The following ZNF774 variants were observed in gnomAD, a reference collection of about 807,000 sequenced individuals.
ZNF774 encodes zinc finger protein 774.
In ZNF774, 14 loss-of-function variants were observed where a neutral mutation model predicts 11.1. That is an observed-to-expected ratio of 1.26 (90% CI 0.83 to 1.97). ZNF774 has a LOEUF of 1.97. Ranked by LOEUF, ZNF774 falls within the 30% of genes most tolerant of loss-of-function variation. ZNF774 has a pLI of 0.00. For synonymous variants in ZNF774, 195 were observed against 212.6 expected (o/e 0.92, Z 0.72); for missense variants, 599 against 587.0 (o/e 1.02, Z -0.21).
intron 2 of ZNF774, chr15:90,355,273 A>G: frequency 4.4e-6 from 2 of 455,998 alleles, no homozygotes; most frequent in Admixed American, 2.4e-5. Context: ...ATGGTTTGCA[A>G]ATGTCTTTGC....
At chr15:90,354,882 C>T in intron 2 of ZNF774, 118 bp downstream of exon 2, 1 of 833,460 alleles carries the variant, frequency 1.2e-6, no homozygotes, top group Non-Finnish European at 1.9e-6. Context: ...GCAATCTGTG[C>T]CTCCTGGGCT....
Position 90,358,881 on chromosome 15 carries a change from G to A in ZNF774, c.135G>A (p.Pro45=), listed in dbSNP as rs145841363. The A allele has an allele frequency of 7.3e-5, 117 of 1,613,010 alleles. No individual in the cohort carries two copies. Among genetic ancestry groups the A allele is most frequent in the Admixed American group, 1.3e-4 (8 of 59,964 alleles). Residue 45 remains proline (P), a synonymous_variant, in exon 3 of 4, where the codon CCG becomes CCA. Coordinates refer to ENST00000354377, the MANE Select transcript of ZNF774 (RefSeq NM_001004309.3). The part of the protein sequence containing the change: ...GISRPSVISQ[P]EQKEEPWVLP... Reference sequence around the variant, plus strand: ...CCAGGCCTAGTGTAATCTCCCAGCCGGAGCAGAAAGAAGAGCCATGGGTCC... The same window carrying A: ...CCAGGCCTAGTGTAATCTCCCAGCCAGAGCAGAAAGAAGAGCCATGGGTCC...
Position 90,362,424 on chromosome 15 carries a change from G to A in ZNF774, c.*1141G>A. ...TTGTGGAAGCAAAATTGCTGAGAATGTCAAATGATATTACAGGGATCCTCC... is the reference window on the plus strand; with the variant it reads ...TTGTGGAAGCAAAATTGCTGAGAATATCAAATGATATTACAGGGATCCTCC... On this transcript the variant is annotated 3_prime_UTR_variant, in exon 4 of 4. Transcript: ENST00000354377. The A allele has an allele frequency of 1.1e-6, 1 of 908,298 alleles. No individual in the cohort carries two copies. The highest frequency in any genetic ancestry group is 2.7e-5 in the East Asian group (1 of 37,682). The allele number at this position is 908,298 out of a possible 1,614,324, so 56.3% of individuals were successfully genotyped here. A position where few individuals can be genotyped will look rare whatever the true frequency, so the allele number is the denominator to read the frequency against.
In ZNF774 at chr15:90,358,804, T is replaced by C. The variant is rs544480599; in HGVS notation, c.105-47T>C. On this transcript the variant is annotated intron_variant, in intron 2 of 3. Transcript: ENST00000354377. The stretch of plus-strand genomic sequence containing the variant: ...TAGGGCTTGGATTTTGCTCAGGCCT[T>C]GTGTGATTGGCTCAGACTCACATCC... 5.4e-5 allele frequency: 84 copies of C among 1,545,586 alleles called. No homozygotes were observed. In the East Asian group the frequency reaches 1.3e-3, roughly 24 times the overall value.
Position 90,360,223 on chromosome 15 carries a change from A to C in ZNF774, c.392A>C (p.Glu131Ala). The change falls in exon 4 of 4, where the codon GAG becomes GCG. Residue 131 changes from glutamate to alanine, a missense_variant. Coordinates refer to ENST00000354377, the MANE Select transcript of ZNF774 (RefSeq NM_001004309.3). ...HGTLPGEGQL[E>A]SFSQERDLNK... The stretch of plus-strand genomic sequence containing the variant: ...ACCCTTCCAGGAGAGGGCCAGCTGG[A>C]GTCCTTTTCACAGGAGAGGGATTTA... The C allele has an allele frequency of 6.2e-7, 1 of 1,614,218 alleles. No homozygotes were observed. The highest frequency in any genetic ancestry group is 8.5e-7 in the Non-Finnish European group (1 of 1,180,036).
rs2151684053 is a variant in ZNF774 at position 90,362,746 on chromosome 15, AATAC to A, written c.*1465_*1468del. ...CACAAGGTTGTTGTGAGGATCTAAAAATACACACACACACACACACACACACACA... is the reference window on the plus strand; with the variant it reads ...CACAAGGTTGTTGTGAGGATCTAAAAACACACACACACACACACACACACA... On this transcript the variant is annotated 3_prime_UTR_variant, in exon 4 of 4. Transcript: ENST00000354377. 1.8e-6 allele frequency: 1 copy of A among 570,664 alleles called. No homozygotes were observed. 35.4% of individuals were successfully genotyped at this position (570,664 alleles called of 1,614,324 possible). A position where few individuals can be genotyped will look rare whatever the true frequency, so the allele number is the denominator to read the frequency against.
In ZNF774 at chr15:90,359,198, G is replaced by A. The variant is rs746349618; in HGVS notation, c.211+241G>A. The stretch of plus-strand genomic sequence containing the variant: ...CGCCATTCTCCTGCCTCAGCCTCCC[G>A]AGTAGCTGGGACTACAGGCGCCCGC... On this transcript the variant is annotated intron_variant, in intron 3 of 3. Transcript: ENST00000354377. 2.8e-3 allele frequency among the ~76,000 whole-genome samples: 407 copies of A among 147,028 alleles called. 1 individual carries two copies. Among genetic ancestry groups the A allele is most frequent in the Non-Finnish European group, 4.5e-3 (299 of 66,884 alleles).
intron 2 of ZNF774, 100 bp from the exon 3 acceptor site, chr15:90,358,751 A>C (rs1200495261): frequency 1.2e-5 from 10 of 814,962 alleles, no homozygotes; most frequent in African/African-American, 3.5e-5. Context: ...AGAGCTCCCC[A>C]GGTGTTCTTC....
In ZNF774 at chr15:90,361,451, A is replaced by C. The variant is rs183338766; in HGVS notation, c.*168A>C. 188 of 1,415,458 alleles carry C rather than the reference A, an allele frequency of 1.3e-4. 1 individual carries two copies. The highest frequency in any genetic ancestry group is 1.6e-4 in the Non-Finnish European group (170 of 1,089,510). The allele number at this position is 1,415,458 out of a possible 1,614,324, so 87.7% of individuals were successfully genotyped here. On this transcript the variant is annotated 3_prime_UTR_variant, in exon 4 of 4. Coordinates refer to ENST00000354377, the MANE Select transcript of ZNF774 (RefSeq NM_001004309.3). ...AGAGAGGATAAACTTAAAGGGTCCAAATAACGGTCCGAATACAAAAGGCAT... is the reference window on the plus strand; with the variant it reads ...AGAGAGGATAAACTTAAAGGGTCCACATAACGGTCCGAATACAAAAGGCAT...
intron 2 of ZNF774, among the ~76,000 whole-genome samples, chr15:90,357,235 G>C (rs1403447993): frequency 6.6e-6 from 1 of 151,410 alleles, no homozygotes. Context: ...GCCTGGGTGT[G>C]GCAGCTCATG....
intron 1 of ZNF774, among the ~76,000 whole-genome samples, chr15:90,353,791 G>A (rs1964206842): frequency 4.6e-5 from 7 of 152,000 alleles, no homozygotes; most frequent in Admixed American, 4.6e-4. Flanking sequence ...AGAGAAAGAG[G>A]TCTCAATATG....
chr15:90,355,738 A>C (rs1267356417), intron 2 of ZNF774, among the ~76,000 whole-genome samples: 5 of 148,408 alleles, frequency 3.4e-5, no homozygotes, highest in Middle Eastern at 6.9e-3. Context: ...AAAAAAAAAA[A>C]AAAAAAACAA....
At position 90,361,311 on chromosome 15, in the gene ZNF774, C is replaced by T. The variant is rs748486555; in HGVS notation, c.*28C>T. On this transcript the variant is annotated 3_prime_UTR_variant, in exon 4 of 4. Transcript: ENST00000354377. ...AGTAGTCTTTGGTGTTCAGCTGCTC[C>T]CTTGCACATTTTCATTGCTACTGTC... 6.5e-7 allele frequency: 1 copy of T among 1,549,198 alleles called. No individual in the cohort carries two copies. Among genetic ancestry groups the T allele is most frequent in the South Asian group, 1.2e-5 (1 of 80,838 alleles).
rs1248511103 is a variant in ZNF774, at chr15:90,361,533, C to T, written c.*250C>T. On this transcript the variant is annotated 3_prime_UTR_variant, in exon 4 of 4. Coordinates refer to ENST00000354377, the MANE Select transcript of ZNF774 (RefSeq NM_001004309.3). Reference sequence around the variant, plus strand: ...TGTGAGTTTAATAGTTGATGCCCGCCAGGCGTGGTGGCTCACCCCTGTAAT... The same window carrying T: ...TGTGAGTTTAATAGTTGATGCCCGCTAGGCGTGGTGGCTCACCCCTGTAAT... 8.3e-7 allele frequency: 1 copy of T among 1,209,338 alleles called. No homozygotes were observed. Among genetic ancestry groups the T allele is most frequent in the Non-Finnish European group, 1.0e-6 (1 of 969,634 alleles). 74.9% of individuals were successfully genotyped at this position (1,209,338 alleles called of 1,614,324 possible).
chr15:90,360,820 A>G lies in ZNF774; in HGVS notation c.989A>G (p.Asp330Gly), dbSNP rs748980567. Residue 330 changes from aspartate to glycine, a missense_variant, in exon 4 of 4, where the codon GAT becomes GGT. By Grantham distance (94) the Asp-to-Gly change is moderately conservative. Transcript: ENST00000354377. ...CCGGAGTGCGGGAAGGGCTTCAGAG[A>G]TAGTTCTCATTTTGTAGCTCACATG... ...KCPECGKGFR[D>G]SSHFVAHMST... The G allele has an allele frequency of 2.6e-5, 42 of 1,614,022 alleles. No homozygotes were observed. Among genetic ancestry groups the G allele is most frequent in the Non-Finnish European group, 3.5e-5 (41 of 1,180,018 alleles).
chr15:90,362,635 T>C lies in ZNF774; in HGVS notation c.*1352T>C, dbSNP rs1303889387. The C allele has an allele frequency of 2.7e-6, 4 of 1,490,522 alleles. No individual in the cohort carries two copies. Among genetic ancestry groups the C allele is most frequent in the South Asian group, 1.2e-5 (1 of 83,168 alleles). 92.3% of individuals were successfully genotyped at this position (1,490,522 alleles called of 1,614,324 possible). On this transcript the variant is annotated 3_prime_UTR_variant, in exon 4 of 4. Transcript: ENST00000354377. ...GTGTTGGAAAGAACACCGACTTCAT[T>C]GAGAAGGTAAAGTATTTGAGTCCTG...
At chr15:90,356,620 A>G (rs143598290) in intron 2 of ZNF774, among the ~76,000 whole-genome samples, 4 of 152,350 alleles carry the variant, frequency 2.6e-5, no homozygotes, top group East Asian at 3.9e-4. Flanking sequence ...TTCTAAGCAT[A>G]TATACAATTT....
chr15:90,361,407 T>G lies in ZNF774; in HGVS notation c.*124T>G. 6.7e-7 allele frequency: 1 copy of G among 1,491,424 alleles called. No individual in the cohort carries two copies. The highest frequency in any genetic ancestry group is 8.8e-7 in the Non-Finnish European group (1 of 1,130,316). 92.4% of individuals were successfully genotyped at this position (1,491,424 alleles called of 1,614,324 possible). A position where few individuals can be genotyped will look rare whatever the true frequency, so the allele number is the denominator to read the frequency against. Reference sequence around the variant, plus strand: ...TTGGGCCCTGATCTATTCTCCCTCTTTCTTGTCTATGTTATAACAGAGAGG... The same window carrying G: ...TTGGGCCCTGATCTATTCTCCCTCTGTCTTGTCTATGTTATAACAGAGAGG... On this transcript the variant is annotated 3_prime_UTR_variant, in exon 4 of 4. Transcript: ENST00000354377.
chr15:90,359,233 C>T (rs558156359), intron 3 of ZNF774, among the ~76,000 whole-genome samples: 58 of 150,234 alleles, frequency 3.9e-4, no homozygotes, highest in African/African-American at 1.2e-3. Flanking sequence ...CCACCGCGCC[C>T]GGCTAATTTT....
Sources: allele counts gnomAD v4.1 joint callset (sites outside exome capture counted in the v4.1 genomes callset), GRCh38; gene constraint gnomAD v4.1.1; transcripts MANE v1.5; gene names NCBI Gene and HGNC (gene_info 2026-07-23, HGNC 2026-07-21).